RAP1GAP: variants seen among roughly 807,000 people sequenced by gnomAD.
RAP1GAP encodes rap1 GTPase-activating protein 1.
Under a neutral mutation model 87.2 loss-of-function variants are expected in RAP1GAP, and 35 were observed. The ratio of observed to expected loss-of-function variants is 0.40; its 90% CI spans 0.31 to 0.53. RAP1GAP has a LOEUF of 0.53. Ranked by LOEUF, RAP1GAP falls within the 20% of genes least tolerant of loss-of-function variation. The pLI is 0.48. For synonymous variants in RAP1GAP, 375 were observed against 363.9 expected (o/e 1.03, Z -0.35); for missense variants, 734 against 898.9 (o/e 0.82, Z 2.35).
At chr1:21,627,411 T>TCTTC (rs570776838) in intron 2 of RAP1GAP, among the ~76,000 whole-genome samples, 1 of 108,286 alleles carries the variant, frequency 9.2e-6, no homozygotes, top group Non-Finnish European at 2.1e-5. Context: ...CCCTTCTTCT[T>TCTTC]TTTTTTTTTT....
chr1:21,611,743 T>C lies in RAP1GAP; in HGVS notation c.686A>G (p.Gln229Arg). 2 of 1,613,782 alleles carry C rather than the reference T, an allele frequency of 1.2e-6. No homozygotes were observed. The highest frequency in any genetic ancestry group is 8.5e-7 in the Non-Finnish European group (1 of 1,179,632). The change falls in exon 12 of 25, where the codon CAG (glutamine) becomes CGG (arginine). Residue 229 changes from glutamine to arginine, a missense_variant. This residue lies in a region of RAP1GAP where 485 missense variants were observed against 646.2 expected (regional missense o/e 0.75). Coordinates refer to ENST00000374765, the MANE Select transcript of RAP1GAP (RefSeq NM_002885.4). ...AFVEFLEFLGQKVKLQDFKGF... is the reference protein window; with the variant it reads ...AFVEFLEFLGRKVKLQDFKGF... ...CTTAAAGTCCTGCAGTTTGACCTTC[T>C]GGCCAAGAAATTCAAGGAACTCCAC...
At chr1:21,653,222 G>T (rs972847774) in intron 1 of RAP1GAP, 2 of 152,156 alleles carry the variant, frequency 1.3e-5, no homozygotes, top group Admixed American at 6.5e-5. Context: ...CTCTCTTGGG[G>T]ATCTGCCCTC....
Position 21,609,717 on chromosome 1 carries a change from C to G in RAP1GAP, c.1000-71G>C, listed in dbSNP as rs757194141. On this transcript the variant is annotated intron_variant, in intron 14 of 24. Transcript: ENST00000374765. The surrounding 1 kb of genome is among the most constrained non-coding windows in gnomAD (Gnocchi z 4.4). ...CTCTGCCCCACCCAGCCAGAAACCC[C>G]TACTGTGCCTCCCTGGACTGCCCCT... is the stretch of plus-strand genomic sequence containing the variant. 7 of 1,199,786 alleles carry G rather than the reference C, an allele frequency of 5.8e-6. No homozygotes were observed. The highest frequency in any genetic ancestry group is 6.9e-6 in the Non-Finnish European group (6 of 868,412). The allele number at this position is 1,199,786 out of a possible 1,614,324, so 74.3% of individuals were successfully genotyped here.
chr1:21,617,478 T>C lies in RAP1GAP; in HGVS notation c.119A>G (p.Glu40Gly). Residue 40 changes from glutamate to glycine, a missense_variant, in exon 7 of 25, where the codon GAA (glutamate) becomes GGA (glycine). Transcript: ENST00000374765. ...YPSVHEVLGREGPFPLILLPQ... is the reference protein window; with the variant it reads ...YPSVHEVLGRGGPFPLILLPQ... ...CAGCAGGATGAGGGGGAAGGGTCCTTCTCGCCCCAAGACCTGAAGAGGGAC... is the reference window on the plus strand; with the variant it reads ...CAGCAGGATGAGGGGGAAGGGTCCTCCTCGCCCCAAGACCTGAAGAGGGAC... 1.3e-6 allele frequency: 2 copies of C among 1,599,744 alleles called. No homozygotes were observed. Among genetic ancestry groups the C allele is most frequent in the Non-Finnish European group, 1.7e-6 (2 of 1,173,608 alleles).
chr1:21,601,509 C>T (rs564340706), intron 20 of RAP1GAP, among the ~76,000 whole-genome samples, 175 bp downstream of exon 20: 1 of 152,338 alleles, frequency 6.6e-6, no homozygotes, highest in East Asian at 1.9e-4. Context: ...GCTGGGCGTG[C>T]ACAAAGTGCT....
intron 10 of RAP1GAP, among the ~76,000 whole-genome samples, chr1:21,612,577 G>T (rs549328284): frequency 6.6e-6 from 1 of 152,164 alleles, no homozygotes; most frequent in Non-Finnish European, 1.5e-5. Context: ...CCATAAGCAG[G>T]AGGGGGGCCC....
At position 21,637,611 on chromosome 1, in the gene RAP1GAP, A is replaced by C. The variant is rs1267383498; in HGVS notation, c.-112-11214T>G. 2.0e-5 allele frequency among the ~76,000 whole-genome samples: 3 copies of C among 152,196 alleles called. No homozygotes were observed. In the East Asian group the frequency reaches 5.8e-4, roughly 29 times the overall value. ...AACACCAATGCATAAAGATATATGAACAAAAAAGTCATGAAGCAGGGTTTG... is the reference window on the plus strand; with the variant it reads ...AACACCAATGCATAAAGATATATGACCAAAAAAGTCATGAAGCAGGGTTTG... On this transcript the variant is annotated intron_variant, in intron 2 of 24. Transcript: ENST00000374765.
Position 21,613,988 on chromosome 1 carries a change from G to T in RAP1GAP, c.393C>A (p.Leu131=). The change falls in exon 8 of 25, where the codon CTC becomes CTA. Residue 131 remains leucine, a splice_region_variant and synonymous_variant. Coordinates refer to ENST00000374765, the MANE Select transcript of RAP1GAP (RefSeq NM_002885.4). The surrounding 1 kb of genome is among the most constrained non-coding windows in gnomAD (Gnocchi z 4.7). ...CAGGACTCCCCCACCACCCTCACCT[G>T]AGCAGCAGCCGCAGGTGCTCTTGGT... The part of the protein sequence containing the change: ...IGDQEHLRLL[L]RTKCRTYHDV... The T allele has an allele frequency of 6.2e-7, 1 of 1,604,812 alleles. No individual in the cohort carries two copies. The highest frequency in any genetic ancestry group is 1.1e-5 in the South Asian group (1 of 90,112).
intron 2 of RAP1GAP, among the ~76,000 whole-genome samples, chr1:21,643,103 G>T (rs2095672890): frequency 1.1e-5 from 1 of 92,608 alleles, no homozygotes; most frequent in Non-Finnish European, 2.3e-5. Flanking sequence ...CAGAAGAAGT[G>T]GCCTCATCTA....
At position 21,660,436 on chromosome 1, in the gene RAP1GAP, C is replaced by T. The variant is rs900296881; in HGVS notation, c.-149+8818G>A. ...GCAACCTCTGCCTCCAGGGTTCAAG[C>T]GATTCTCTCGCTTCAGCCTCCTGAG... is the stretch of plus-strand genomic sequence containing the variant. On this transcript the variant is annotated intron_variant, in intron 1 of 24. Transcript: ENST00000374765. Among the ~76,000 whole-genome samples the T allele has an allele frequency of 1.1e-4, 17 of 149,568 alleles. No homozygotes were observed. The Middle Eastern group carries it at 0.01, about 92-fold the overall frequency.
chr1:21,614,933 T>C (rs535146943), intron 7 of RAP1GAP, among the ~76,000 whole-genome samples: 2 of 152,188 alleles, frequency 1.3e-5, no homozygotes, highest in African/African-American at 4.8e-5. Context: ...TGAACACCTG[T>C]GCTCAGAGGC....
chr1:21,624,519 G>T (rs879711489), intron 3 of RAP1GAP, among the ~76,000 whole-genome samples: 2 of 152,218 alleles, frequency 1.3e-5, no homozygotes, highest in Admixed American at 1.3e-4. Flanking sequence ...CACCAGGGGA[G>T]GGGAATGGAG....
intron 2 of RAP1GAP, among the ~76,000 whole-genome samples, chr1:21,643,449 T>G (rs7533609): frequency 0.04 from 6,034 of 150,102 alleles, 239 homozygotes; most frequent in African/African-American, 0.11. Flanking sequence ...TCCCAGCTAC[T>G]CAGGAGGCTG....
Position 21,606,099 on chromosome 1 carries a change from G to A in RAP1GAP, c.1395C>T (p.Pro465=), listed in dbSNP as rs2074359682. The A allele has an allele frequency of 6.3e-7, 1 of 1,587,804 alleles. No individual in the cohort carries two copies. The highest frequency in any genetic ancestry group is 2.3e-5 in the East Asian group (1 of 43,988). The change falls in exon 18 of 25, where the codon CCC becomes CCT. Residue 465 remains proline, a synonymous_variant. Coordinates refer to ENST00000374765, the MANE Select transcript of RAP1GAP (RefSeq NM_002885.4). ...CCGCCTTGGCCAGGTCGGGGTTGTT[G>A]GGCGCGAAGCTCCCGCTGTGGCTGG... ...VSTSHSGSFA[P]NNPDLAKAAG...
chr1:21,637,990 A>AAAC (rs2095049076), intron 2 of RAP1GAP, among the ~76,000 whole-genome samples: 1 of 150,306 alleles, frequency 6.7e-6, no homozygotes, highest in Admixed American at 6.6e-5. Context: ...AAAAAAAAAA[A>AAAC]AACCACAAAA....
intron 1 of RAP1GAP, chr1:21,651,390 A>T (rs1179602286): frequency 3.8e-6 from 2 of 530,852 alleles, no homozygotes. Flanking sequence ...ACTCCCACAT[A>T]CCTATACATG....
At chr1:21,652,710 C>T (rs574543068) in intron 1 of RAP1GAP, among the ~76,000 whole-genome samples, 40 of 152,110 alleles carry the variant, frequency 2.6e-4, no homozygotes, top group Non-Finnish European at 4.7e-4. Context: ...TCTTCTGCAC[C>T]CAGCTCGCCC....
intron 2 of RAP1GAP, among the ~76,000 whole-genome samples, chr1:21,637,951 A>G (rs2095033220): frequency 6.8e-6 from 1 of 147,568 alleles, no homozygotes; most frequent in East Asian, 2.0e-4. Flanking sequence ...CCTGGGCAAC[A>G]TAGCAAAACC....
At position 21,609,633 on chromosome 1, in the gene RAP1GAP, G is replaced by C. The variant is rs745631218; in HGVS notation, c.1013C>G (p.Ala338Gly). The C allele has an allele frequency of 6.3e-7, 1 of 1,581,736 alleles. No homozygotes were observed. Among genetic ancestry groups the C allele is most frequent in the East Asian group, 2.3e-5 (1 of 43,262 alleles). ...TCCAAAGAAGGGCACATCATCTCTTGCAGTGACAGAGACCTGGAAGGGAGG... is the reference window on the plus strand; with the variant it reads ...TCCAAAGAAGGGCACATCATCTCTTCCAGTGACAGAGACCTGGAAGGGAGG... Reference protein sequence around the residue: ...DGPLYKVSVTARDDVPFFGPP... With the variant: ...DGPLYKVSVTGRDDVPFFGPP... The change falls in exon 15 of 25, where the codon GCA (alanine) becomes GGA (glycine). Residue 338 changes from alanine to glycine, a missense_variant. Transcript: ENST00000374765. The surrounding 1 kb of genome is among the most constrained non-coding windows in gnomAD (Gnocchi z 4.4).
Sources: allele counts gnomAD v4.1 joint callset (sites outside exome capture counted in the v4.1 genomes callset), GRCh38; gene constraint gnomAD v4.1.1; regional missense constraint gnomAD v4.1.1; non-coding constraint Gnocchi (gnomAD v3.1); transcripts MANE v1.5; gene names NCBI Gene and HGNC (gene_info 2026-07-23, HGNC 2026-07-21).